The following KLHL1 variants were observed in gnomAD, a reference collection of about 807,000 sequenced individuals.
KLHL1 encodes kelch-like protein 1.
KLHL1 carries 47 observed loss-of-function variants against 77.7 expected under a neutral mutation model. The observed-to-expected ratio is 0.60, with a 90% confidence interval of 0.48 to 0.77. The LOEUF (loss-of-function observed/expected upper bound fraction) is 0.77. Among genes scored for constraint, KLHL1 ranks in the 30% least tolerant of loss-of-function variants. The probability of loss-of-function intolerance (pLI) is 0.00; values close to 1 mark genes in which losing one functional copy is unlikely to be tolerated. For missense variants in KLHL1, 925 were observed against 910.8 expected, an observed-to-expected ratio of 1.02 and a Z score of -0.20; for synonymous variants, 360 against 325.2, an observed-to-expected ratio of 1.11 and a Z score of -1.15.
intron 8 of KLHL1, among the ~76,000 whole-genome samples, chr13:69,727,771 A>G (rs1245165970): frequency 6.6e-6 from 1 of 152,130 alleles, no homozygotes; most frequent in Non-Finnish European, 1.5e-5. Flanking sequence ...TACTAATTGT[A>G]CAGTTTCCTT....
intron 1 of KLHL1, among the ~76,000 whole-genome samples, chr13:70,001,581 G>GTCTATCTATCTATCTATCTA (rs71116971): frequency 4.8e-5 from 7 of 146,734 alleles, no homozygotes; most frequent in East Asian, 2.1e-4. Flanking sequence ...TGATCTATGT[G>GTCTATCTATCTATCTATCTA]TCTATCTATC....
chr13:69,899,525 G>A (rs542892210), intron 4 of KLHL1, among the ~76,000 whole-genome samples: 8 of 152,238 alleles, frequency 5.3e-5, no homozygotes, highest in Non-Finnish European at 1.2e-4. Flanking sequence ...GGTGAGAAGC[G>A]CATTAACACG....
intron 7 of KLHL1, among the ~76,000 whole-genome samples, chr13:69,769,726 G>C (rs957268860): frequency 6.6e-6 from 1 of 152,046 alleles, no homozygotes; most frequent in Non-Finnish European, 1.5e-5. Context: ...TCACAGAAAA[G>C]AGGGCTGCCC....
chr13:70,105,147 C>T (rs1164358689), intron 1 of KLHL1, among the ~76,000 whole-genome samples: 1 of 151,840 alleles, frequency 6.6e-6, no homozygotes, highest in Non-Finnish European at 1.5e-5. Context: ...AATTTGATTC[C>T]AACAATAAAG....
chr13:69,790,400 A>G lies in KLHL1; in HGVS notation c.1639+6338T>C, dbSNP rs566543343. ...TGTGGTTGCCACCAATCCACTACAA[A>G]ATATTCCACAAAACTGAATATGAGA... On this transcript the variant is annotated intron_variant, in intron 7 of 10. Transcript: ENST00000377844. Among the ~76,000 whole-genome samples the G allele has an allele frequency of 4.2e-4, 64 of 152,328 alleles. 2 individuals are homozygous for G. The highest frequency in any genetic ancestry group is 1.7e-3 in the South Asian group (8 of 4,830).
At chr13:70,084,605 C>A (rs1378310614) in intron 1 of KLHL1, among the ~76,000 whole-genome samples, 13 of 137,274 alleles carry the variant, frequency 9.5e-5, no homozygotes, top group African/African-American at 2.7e-4. Flanking sequence ...ACTACAGGCA[C>A]CTGCCACCAC....
intron 5 of KLHL1, among the ~76,000 whole-genome samples, chr13:69,844,935 T>C (rs930922589): frequency 4.0e-5 from 6 of 150,088 alleles, no homozygotes; most frequent in African/African-American, 1.5e-4. Flanking sequence ...TGGTGAAAAC[T>C]AAAAAAAAAT....
At chr13:69,944,665 C>T (rs1441868326) in intron 3 of KLHL1, among the ~76,000 whole-genome samples, 1 of 152,112 alleles carries the variant, frequency 6.6e-6, no homozygotes, top group Non-Finnish European at 1.5e-5. Flanking sequence ...AGATGTACTA[C>T]AATAACATTT....
At position 70,019,773 on chromosome 13, in the gene KLHL1, G is replaced by A. The variant is rs539177242; in HGVS notation, c.498-43971C>T. Among the ~76,000 whole-genome samples, 16 of 152,114 alleles carry A rather than the reference G, an allele frequency of 1.1e-4. No individual in the cohort carries two copies. In the East Asian group the frequency reaches 3.1e-3, roughly 29 times the overall value. Reference sequence around the variant, plus strand: ...CTCTTGAATACTAAAAATCTTTAACGATTTAAATGGTGTTATGTTCTGAAT... The same window carrying A: ...CTCTTGAATACTAAAAATCTTTAACAATTTAAATGGTGTTATGTTCTGAAT... On this transcript the variant is annotated intron_variant, in intron 1 of 10. Transcript: ENST00000377844.
At chr13:69,897,542 G>T (rs924557064) in intron 4 of KLHL1, among the ~76,000 whole-genome samples, 1 of 152,178 alleles carries the variant, frequency 6.6e-6, no homozygotes, top group Non-Finnish European at 1.5e-5. Context: ...CACAATAAAT[G>T]AGAAAATATT....
At chr13:70,023,915 AC>A in intron 1 of KLHL1, among the ~76,000 whole-genome samples, 1 of 151,984 alleles carries the variant, frequency 6.6e-6, no homozygotes, top group Non-Finnish European at 1.5e-5. Context: ...TTAGTAACTT[AC>A]TAAAGGGGTG....
At chr13:69,736,240 C>A (rs1873755880) in intron 8 of KLHL1, among the ~76,000 whole-genome samples, 1 of 152,084 alleles carries the variant, frequency 6.6e-6, no homozygotes, top group Non-Finnish European at 1.5e-5. Flanking sequence ...CATGAATAGA[C>A]AATTCTCAAA....
chr13:69,840,535 T>A (rs2138112916), intron 5 of KLHL1, among the ~76,000 whole-genome samples: 1 of 152,038 alleles, frequency 6.6e-6, no homozygotes, highest in Non-Finnish European at 1.5e-5. Context: ...AGAACAGTTT[T>A]AATCTGAATA....
intron 2 of KLHL1, among the ~76,000 whole-genome samples, chr13:69,974,111 TG>T (rs1884474487): frequency 2.6e-5 from 4 of 151,992 alleles, no homozygotes; most frequent in Non-Finnish European, 5.9e-5. Context: ...AAAATAGTAA[TG>T]TACTTAAGTT....
chr13:70,089,314 C>A (rs547016883), intron 1 of KLHL1, among the ~76,000 whole-genome samples: 18 of 151,844 alleles, frequency 1.2e-4, no homozygotes, highest in Non-Finnish European at 2.4e-4. Context: ...TGTTGTTTTG[C>A]CTTTTGTTAT....
chr13:69,920,335 T>C (rs1882592030), intron 4 of KLHL1, among the ~76,000 whole-genome samples: 1 of 152,080 alleles, frequency 6.6e-6, no homozygotes, highest in Non-Finnish European at 1.5e-5. Flanking sequence ...AAAATAAAAA[T>C]GTTAAAAGAT....
chr13:70,033,723 T>C (rs1363620886), intron 1 of KLHL1, among the ~76,000 whole-genome samples: 1 of 146,170 alleles, frequency 6.8e-6, no homozygotes, highest in Non-Finnish European at 1.5e-5. Flanking sequence ...GGGTTCAAGC[T>C]ATTCTCATGT....
intron 1 of KLHL1, among the ~76,000 whole-genome samples, chr13:70,101,683 C>G (rs1415502750): frequency 2.6e-5 from 4 of 152,120 alleles, no homozygotes; most frequent in Non-Finnish European, 4.4e-5. Context: ...CCCACCTTGG[C>G]CTCCCAAAGT....
At chr13:69,853,099 T>A (rs1356648985) in intron 5 of KLHL1, among the ~76,000 whole-genome samples, 1 of 152,028 alleles carries the variant, frequency 6.6e-6, no homozygotes, top group Non-Finnish European at 1.5e-5. Flanking sequence ...TCTGACAACC[T>A]AGTTTTCAGT....
Sources: gnomAD v4.1 joint callset for allele counts (sites outside exome capture counted in the v4.1 genomes callset) on GRCh38, gnomAD v4.1.1 for gene constraint, MANE v1.5 for transcripts, NCBI Gene and HGNC (gene_info 2026-07-23, HGNC 2026-07-21) for gene names.